The following DPP10 variants were observed in gnomAD, a reference collection of about 807,000 sequenced individuals.
DPP10 encodes inactive dipeptidyl peptidase 10.
DPP10 carries 33 observed loss-of-function variants against 120.9 expected under a neutral mutation model. The observed-to-expected ratio is 0.27, with a 90% CI of 0.21 to 0.37. DPP10 has a LOEUF of 0.37. Ranked by LOEUF, DPP10 falls within the 10% of genes least tolerant of loss-of-function variation. The pLI is 1.00. For missense variants in DPP10, 816 were observed against 942.8 expected, an observed-to-expected ratio of 0.87 and a Z score of 1.76; for synonymous variants, 337 against 326.1, an observed-to-expected ratio of 1.03 and a Z score of -0.36.
intron 1 of DPP10, among the ~76,000 whole-genome samples, chr2:115,303,752 C>T (rs2061245694): frequency 6.6e-6 from 1 of 151,628 alleles, no homozygotes; most frequent in Non-Finnish European, 1.5e-5. Flanking sequence ...ATTTGTATTC[C>T]CAGCTTCATC....
intron 3 of DPP10, among the ~76,000 whole-genome samples, chr2:115,393,229 C>T (rs372431583): frequency 6.6e-6 from 1 of 151,568 alleles, no homozygotes; most frequent in East Asian, 1.9e-4. Flanking sequence ...ATGAGAATCG[C>T]TTGAACCCAA....
intron 1 of DPP10, among the ~76,000 whole-genome samples, chr2:115,033,113 G>C (rs574054923): frequency 1.4e-4 from 21 of 152,144 alleles, no homozygotes; most frequent in African/African-American, 4.3e-4. Flanking sequence ...TATTTCACTT[G>C]AACCTCTCAA....
At chr2:115,280,432 C>G (rs1234018333) in intron 1 of DPP10, among the ~76,000 whole-genome samples, 1 of 152,144 alleles carries the variant, frequency 6.6e-6, no homozygotes, top group Admixed American at 6.5e-5. Context: ...ATTATAAGTC[C>G]TGAGACATAG....
chr2:114,800,937 T>C (rs62165229), intron 1 of DPP10, among the ~76,000 whole-genome samples: 8 of 85,566 alleles, frequency 9.3e-5, no homozygotes, highest in African/African-American at 3.4e-4. Context: ...AAAATGGGAA[T>C]TAAAAAAAAA....
chr2:115,599,505 C>G (rs544745838), intron 5 of DPP10, among the ~76,000 whole-genome samples: 1 of 152,204 alleles, frequency 6.6e-6, no homozygotes, highest in East Asian at 1.9e-4. Flanking sequence ...TATTTCAGTT[C>G]TAACATTTCA....
chr2:115,131,697 A>G (rs1237364157), intron 1 of DPP10: 1 of 152,196 alleles, frequency 6.6e-6, no homozygotes, highest in Non-Finnish European at 1.5e-5. Context: ...ACACTGTGAA[A>G]TATTTAAAGA....
intron 1 of DPP10, among the ~76,000 whole-genome samples, chr2:114,905,226 G>C (rs2106634900): frequency 6.6e-6 from 1 of 151,352 alleles, no homozygotes; most frequent in African/African-American, 2.4e-5. Context: ...AACTACCTGA[G>C]ATTTTGTAGG....
intron 1 of DPP10, among the ~76,000 whole-genome samples, chr2:114,693,145 A>G (rs1699868810): frequency 6.6e-6 from 1 of 151,702 alleles, no homozygotes; most frequent in Admixed American, 6.6e-5. Flanking sequence ...CATTTTGCAG[A>G]ATTGTGTATG....
intron 5 of DPP10, among the ~76,000 whole-genome samples, chr2:115,673,474 G>A (rs1575493392): frequency 6.6e-6 from 1 of 152,150 alleles, no homozygotes; most frequent in Non-Finnish European, 1.5e-5. Context: ...GTCAAGACAT[G>A]CCTAAGAGTA....
intron 3 of DPP10, among the ~76,000 whole-genome samples, chr2:115,423,678 T>C (rs2070194759): frequency 1.3e-5 from 2 of 152,138 alleles, no homozygotes; most frequent in Non-Finnish European, 2.9e-5. Flanking sequence ...AAAAGGAGCA[T>C]TTAATGACAA....
At chr2:114,514,174 G>A (rs545920309) in intron 1 of DPP10, among the ~76,000 whole-genome samples, 126 of 152,270 alleles carry the variant, frequency 8.3e-4, no homozygotes, top group South Asian at 1.9e-3. Flanking sequence ...TAATTTGCTC[G>A]TGGCTAGCTG....
At chr2:114,611,015 G>C (rs114354558) in intron 1 of DPP10, among the ~76,000 whole-genome samples, 2 of 152,162 alleles carry the variant, frequency 1.3e-5, no homozygotes, top group African/African-American at 4.8e-5. Context: ...ACACAACTGC[G>C]CTGCTTGTGT....
chr2:115,613,899 G>A (rs2084296036), intron 5 of DPP10, among the ~76,000 whole-genome samples: 2 of 152,110 alleles, frequency 1.3e-5, no homozygotes, highest in South Asian at 2.1e-4. Context: ...GAATCCTTTG[G>A]GGAGCACTGG....
At chr2:114,603,049 C>T (rs753549312) in intron 1 of DPP10, among the ~76,000 whole-genome samples, 3 of 152,032 alleles carry the variant, frequency 2.0e-5, no homozygotes, top group Admixed American at 6.6e-5. Context: ...TCCTCATTGT[C>T]TGTCTTGCCA....
intron 1 of DPP10, among the ~76,000 whole-genome samples, chr2:115,010,693 A>G (rs969138610): frequency 3.3e-5 from 5 of 152,190 alleles, no homozygotes; most frequent in African/African-American, 1.2e-4. Flanking sequence ...GACTTTTTAA[A>G]CAGAAGCTCC....
chr2:114,462,007 A>G (rs1482024663), intron 1 of DPP10: 1 of 985,300 alleles, frequency 1.0e-6, no homozygotes, highest in East Asian at 1.1e-4. Context: ...GAAGTGCTAC[A>G]ATATTCTTTC....
chr2:115,524,945 T>C (rs1418559937), intron 4 of DPP10, among the ~76,000 whole-genome samples: 1 of 152,050 alleles, frequency 6.6e-6, no homozygotes, highest in Non-Finnish European at 1.5e-5. Flanking sequence ...TCCTATCCAT[T>C]GTGTTTTGGG....
rs543945107 is a variant in DPP10, at chr2:115,512,289, T to A, written c.366+12685T>A. Reference sequence around the variant, plus strand: ...CTAAATTTTTAATTTTTTGTTAGATTGTGTCATACTATTTTGCCCAGGCTG... The same window carrying A: ...CTAAATTTTTAATTTTTTGTTAGATAGTGTCATACTATTTTGCCCAGGCTG... On this transcript the variant is annotated intron_variant, in intron 4 of 25. Transcript: ENST00000410059. 9.9e-5 allele frequency among the ~76,000 whole-genome samples: 15 copies of A among 151,894 alleles called. No individual in the cohort carries two copies. The South Asian group carries it at 2.9e-3, about 29-fold the overall frequency.
At chr2:115,716,643 G>C (rs1015606895) in intron 7 of DPP10, among the ~76,000 whole-genome samples, 3 of 152,008 alleles carry the variant, frequency 2.0e-5, no homozygotes, top group African/African-American at 7.3e-5. Context: ...GCTTTTCTAT[G>C]ATTATTTTAC....
Sources: allele counts gnomAD v4.1 joint callset (sites outside exome capture counted in the v4.1 genomes callset), GRCh38; gene constraint gnomAD v4.1.1; transcripts MANE v1.5; gene names NCBI Gene and HGNC (gene_info 2026-07-23, HGNC 2026-07-21).